DRG1: variants seen among roughly 807,000 people sequenced by gnomAD.
DRG1 encodes the protein developmentally regulated GTP binding protein 1.
A neutral mutation model predicts 38.8 loss-of-function variants in DRG1; 19 were observed. That is an observed-to-expected ratio of 0.49 (90% CI 0.34 to 0.72). The LOEUF (loss-of-function observed/expected upper bound fraction) is 0.72, where lower values mean the gene tolerates loss of function less well. Ranked by LOEUF, DRG1 falls within the 30% of genes least tolerant of loss-of-function variation. The pLI is 0.01. For missense variants in DRG1, 299 were observed against 444.8 expected (o/e 0.67, Z 2.95); for synonymous variants, 167 against 157.5 (o/e 1.06, Z -0.45).
chr22:31,410,301 A>G (rs1003313828), intron 3 of DRG1, among the ~76,000 whole-genome samples: 7 of 151,784 alleles, frequency 4.6e-5, no homozygotes, highest in Non-Finnish European at 8.8e-5. Context: ...CTAAAAATAC[A>G]AAAATTAGCT....
At chr22:31,431,588 G>C (rs753656501) in intron 8 of DRG1, among the ~76,000 whole-genome samples, 49 of 152,090 alleles carry the variant, frequency 3.2e-4, no homozygotes, top group Non-Finnish European at 3.8e-4. Context: ...CTTGAGCCCA[G>C]GAGGTTGACA....
intron 1 of DRG1, among the ~76,000 whole-genome samples, chr22:31,400,086 A>G (rs1348762538): frequency 2.6e-5 from 4 of 151,772 alleles, no homozygotes. Flanking sequence ...CCCTTATTCC[A>G]TCTCTGACTT....
chr22:31,433,855 T>G lies in DRG1; in HGVS notation c.1005-17T>G. 6.2e-7 allele frequency: 1 copy of G among 1,612,270 alleles called. No homozygotes were observed. The highest frequency in any genetic ancestry group is 8.5e-7 in the Non-Finnish European group (1 of 1,178,374). ...GGTTATTATTTACACTGACTGTTCTTTTTCCCTTCCATGCAGTGCTCTGGT... is the reference window on the plus strand; with the variant it reads ...GGTTATTATTTACACTGACTGTTCTGTTTCCCTTCCATGCAGTGCTCTGGT... On this transcript the variant is annotated splice_polypyrimidine_tract_variant and intron_variant, in intron 8 of 8. Transcript: ENST00000331457.
At chr22:31,429,721 A>T (rs1423445464) in intron 8 of DRG1, among the ~76,000 whole-genome samples, 2 of 151,012 alleles carry the variant, frequency 1.3e-5, no homozygotes, top group Non-Finnish European at 2.9e-5. Context: ...ATCACAGCTC[A>T]CTGTAGCCTT....
intron 8 of DRG1, among the ~76,000 whole-genome samples, chr22:31,428,372 C>T (rs1008492152): frequency 1.1e-4 from 17 of 152,174 alleles, no homozygotes; most frequent in Admixed American, 3.9e-4. Flanking sequence ...CCACCACGCC[C>T]GGCTAATTTT....
chr22:31,430,188 T>G (rs1158945289), intron 8 of DRG1, among the ~76,000 whole-genome samples: 2 of 152,190 alleles, frequency 1.3e-5, no homozygotes, highest in Non-Finnish European at 2.9e-5. Flanking sequence ...GCATGCTCAT[T>G]GTTAGCAAGT....
rs1601523688 is a variant in DRG1, at chr22:31,403,140, C to T, written c.278C>T (p.Ala93Val). The change falls in exon 3 of 9, where the codon GCC becomes GTC. Residue 93 changes from alanine (A) to valine (V), a missense_variant. This residue lies in a region of DRG1 where 50 missense variants were observed against 120.6 expected (regional missense o/e 0.41). Coordinates refer to ENST00000331457, the MANE Select transcript of DRG1 (RefSeq NM_004147.4). ...GCAGGGGTATATTCTGAGGTGGCAGCCTATGAATTCACTACTCTGACCACT... is the reference window on the plus strand; with the variant it reads ...GCAGGGGTATATTCTGAGGTGGCAGTCTATGAATTCACTACTCTGACCACT... ...NLAGVYSEVA[A>V]YEFTTLTTVP... 6.2e-7 allele frequency: 1 copy of T among 1,613,938 alleles called. No homozygotes were observed. The highest frequency in any genetic ancestry group is 8.5e-7 in the Non-Finnish European group (1 of 1,179,982).
rs1433276412 is a variant in DRG1, at chr22:31,426,673, T to C, written c.772T>C (p.Leu258=). The C allele has an allele frequency of 2.5e-6, 4 of 1,614,022 alleles. No individual in the cohort carries two copies. The highest frequency in any genetic ancestry group is 2.2e-5 in the East Asian group (1 of 44,882). ...GATTGACCAAATCTCCATTGAGGAA[T>C]TGGATATCATCTATAAGGTGCCTCA... ...NKIDQISIEE[L]DIIYKVPHCV... Residue 258 remains leucine (L), a synonymous_variant, in exon 7 of 9, where the codon TTG becomes CTG. Coordinates refer to ENST00000331457, the MANE Select transcript of DRG1 (RefSeq NM_004147.4).
At chr22:31,433,667 G>T (rs1178171437) in intron 8 of DRG1, among the ~76,000 whole-genome samples, 2 of 152,140 alleles carry the variant, frequency 1.3e-5, no homozygotes, top group African/African-American at 4.8e-5. Context: ...TCTGCAATAA[G>T]AGGAACCACA....
intron 3 of DRG1, 59 bp from the exon 4 acceptor site, chr22:31,410,953 T>G: frequency 6.4e-7 from 1 of 1,551,682 alleles, no homozygotes; most frequent in Non-Finnish European, 8.9e-7. Flanking sequence ...CTGTTTGATA[T>G]TTTCAAATTT....
chr22:31,418,486 G>A (rs1393249257), intron 4 of DRG1, among the ~76,000 whole-genome samples: 2 of 151,752 alleles, frequency 1.3e-5, no homozygotes, highest in Non-Finnish European at 2.9e-5. Context: ...AAAAAATGAG[G>A]AACTAGAAAG....
In DRG1 at chr22:31,427,140, T is replaced by C; in HGVS notation, c.962T>C (p.Phe321Ser). 1.2e-6 allele frequency: 2 copies of C among 1,614,196 alleles called. No homozygotes were observed. The highest frequency in any genetic ancestry group is 1.7e-6 in the Non-Finnish European group (2 of 1,180,014). Reference protein sequence around the residue: ...LPYSRTTVEDFCMKIHKNLIK... With the variant: ...LPYSRTTVEDSCMKIHKNLIK... ...TACTCCAGGACCACAGTGGAGGATT[T>C]CTGCATGAAGATTCACAAAAATCTT... Residue 321 changes from phenylalanine (F) to serine (S), a missense_variant, in exon 8 of 9, where the codon TTC (phenylalanine) becomes TCC (serine). Coordinates refer to ENST00000331457, the MANE Select transcript of DRG1 (RefSeq NM_004147.4).
chr22:31,402,599 C>T (rs914909444), intron 2 of DRG1, among the ~76,000 whole-genome samples: 1 of 148,532 alleles, frequency 6.7e-6, no homozygotes, highest in Non-Finnish European at 1.5e-5. Flanking sequence ...GCCTCAACCT[C>T]CTGGGCTCAA....
At chr22:31,403,786 G>C (rs556087345) in intron 3 of DRG1, among the ~76,000 whole-genome samples, 2 of 152,042 alleles carry the variant, frequency 1.3e-5, no homozygotes, top group East Asian at 3.9e-4. Flanking sequence ...CGGCCCCCTG[G>C]TTGTATTTTT....
Position 31,427,051 on chromosome 22 carries a change from C to G in DRG1, c.882-9C>G, listed in dbSNP as rs1362341162. 2 of 1,613,734 alleles carry G rather than the reference C, an allele frequency of 1.2e-6. No homozygotes were observed. Among genetic ancestry groups the G allele is most frequent in the South Asian group, 1.1e-5 (1 of 91,022 alleles). On this transcript the variant is annotated splice_polypyrimidine_tract_variant and intron_variant, in intron 7 of 8. Transcript: ENST00000331457. Reference sequence around the variant, plus strand: ...GAAGGCAGTAATCTTTATGCCCTCTCTATTCTAGTTACACCAAACCCAAAG... The same window carrying G: ...GAAGGCAGTAATCTTTATGCCCTCTGTATTCTAGTTACACCAAACCCAAAG...
At chr22:31,433,698 C>T (rs1055080793) in intron 8 of DRG1, among the ~76,000 whole-genome samples, 174 bp from the exon 9 acceptor site, 45 of 152,070 alleles carry the variant, frequency 3.0e-4, no homozygotes, top group African/African-American at 8.5e-4. Context: ...AAGTCTTTAC[C>T]GGCTTTTATG....
Position 31,433,974 on chromosome 22 carries a change from C to G in DRG1, c.*3C>G. On this transcript the variant is annotated 3_prime_UTR_variant, in exon 9 of 9. Coordinates refer to ENST00000331457, the MANE Select transcript of DRG1 (RefSeq NM_004147.4). ...TCATTCAAATTGTGAAGAAGTGAAA[C>G]CTTTCCCTTTTCCCATCTGCCGGAC... The G allele has an allele frequency of 6.2e-7, 1 of 1,613,136 alleles. No homozygotes were observed. Among genetic ancestry groups the G allele is most frequent in the Non-Finnish European group, 8.5e-7 (1 of 1,179,194 alleles).
chr22:31,431,286 G>A (rs943325991), intron 8 of DRG1, among the ~76,000 whole-genome samples: 38 of 151,870 alleles, frequency 2.5e-4, no homozygotes, highest in African/African-American at 8.2e-4. Flanking sequence ...TGTCCACCTC[G>A]GCCCCCCAAA....
At chr22:31,417,698 A>G (rs2050052381) in intron 4 of DRG1, among the ~76,000 whole-genome samples, 1 of 151,810 alleles carries the variant, frequency 6.6e-6, no homozygotes, top group Non-Finnish European at 1.5e-5. Flanking sequence ...AAAATAAATA[A>G]AATAAAATCA....
Sources: allele counts gnomAD v4.1 joint callset (sites outside exome capture counted in the v4.1 genomes callset), GRCh38; gene constraint gnomAD v4.1.1; regional missense constraint gnomAD v4.1.1; transcripts MANE v1.5; gene names NCBI Gene and HGNC (gene_info 2026-07-23, HGNC 2026-07-21).